KCNB2: variants seen among roughly 807,000 people sequenced by gnomAD.
KCNB2 encodes the protein delayed rectifier potassium channel protein.
In KCNB2, 15 loss-of-function variants were observed where a neutral mutation model predicts 61.5. That is an observed-to-expected ratio of 0.24 (90% confidence interval 0.16 to 0.38). The LOEUF (loss-of-function observed/expected upper bound fraction) is 0.38. Among genes scored for constraint, KCNB2 ranks in the 10% least tolerant of loss-of-function variants. The pLI is 1.00. For synonymous variants in KCNB2, 457 were observed against 446.0 expected (o/e 1.02, Z -0.31); for missense variants, 828 against 1,125.2 (o/e 0.74, Z 3.78).
chr8:72,905,683 A>C (rs1362133361), intron 2 of KCNB2, among the ~76,000 whole-genome samples: 3 of 152,156 alleles, frequency 2.0e-5, no homozygotes, highest in African/African-American at 7.2e-5. Context: ...AGAGCACTTC[A>C]ACTGCTGTGG....
rs113964539 is a variant in KCNB2 at position 72,624,503 on chromosome 8, A to G, written c.579+56190A>G. 2.7e-3 allele frequency among the ~76,000 whole-genome samples: 413 copies of G among 152,250 alleles called. 1 individual carries two copies. The highest frequency in any genetic ancestry group is 8.5e-3 in the South Asian group (41 of 4,824). ...ATAAGCCTGAGATGGCTTTTAGCAA[A>G]TGGTTTTTGCTCAGAGATATGGGTT... On this transcript the variant is annotated intron_variant, in intron 2 of 2. Transcript: ENST00000523207.
At chr8:72,603,299 C>T (rs1255779273) in intron 2 of KCNB2, among the ~76,000 whole-genome samples, 3 of 152,152 alleles carry the variant, frequency 2.0e-5, no homozygotes, top group Non-Finnish European at 4.4e-5. Context: ...ATTCCCTTCC[C>T]AGCTCACCCC....
intron 2 of KCNB2, among the ~76,000 whole-genome samples, chr8:72,834,354 G>A (rs1409460707): frequency 6.6e-6 from 1 of 152,122 alleles, no homozygotes; most frequent in African/African-American, 2.4e-5. Flanking sequence ...GTTGCTACAG[G>A]GGGAGGAAAG....
chr8:72,629,467 A>T (rs1192471389), intron 2 of KCNB2, among the ~76,000 whole-genome samples: 1 of 152,196 alleles, frequency 6.6e-6, no homozygotes, highest in Non-Finnish European at 1.5e-5. Flanking sequence ...CAAAGTAATA[A>T]TAATACCTAT....
intron 1 of KCNB2, among the ~76,000 whole-genome samples, chr8:72,554,686 T>G (rs1162938437): frequency 6.6e-6 from 1 of 152,128 alleles, no homozygotes; most frequent in Non-Finnish European, 1.5e-5. Context: ...CCCTTCTAAC[T>G]ATAAATTTTG....
intron 2 of KCNB2, among the ~76,000 whole-genome samples, chr8:72,690,605 A>G (rs1037033996): frequency 2.0e-5 from 3 of 152,244 alleles, no homozygotes; most frequent in Non-Finnish European, 2.9e-5. Context: ...GGCTAGGACC[A>G]TCATTTCTGG....
Position 72,821,619 on chromosome 8 carries a change from TAC to T in KCNB2, c.580-114304_580-114303del, listed in dbSNP as rs1422517623. 7.4e-5 allele frequency among the ~76,000 whole-genome samples: 6 copies of T among 81,520 alleles called. No homozygotes were observed. In the East Asian group the frequency reaches 3.3e-3, roughly 45 times the overall value. 53.5% of individuals were successfully genotyped at this position (81,520 alleles called of 152,430 possible). A position where few individuals can be genotyped will look rare whatever the true frequency, so the allele number is the denominator to read the frequency against. ...GGTATACTCATTCAAAGTAAGTTCC[TAC>T]ACACACACACAAAAAAAAACAAAAA... On this transcript the variant is annotated intron_variant, in intron 2 of 2. Transcript: ENST00000523207.
intron 2 of KCNB2, among the ~76,000 whole-genome samples, chr8:72,761,495 G>A (rs1808379591): frequency 6.6e-6 from 1 of 152,174 alleles, no homozygotes; most frequent in African/African-American, 2.4e-5. Flanking sequence ...GCATTGTTCT[G>A]TCAAGGTCCA....
rs1459929823 is a variant in KCNB2, at chr8:72,654,261, G to A, written c.579+85948G>A. On this transcript the variant is annotated intron_variant, in intron 2 of 2. Transcript: ENST00000523207. Reference sequence around the variant, plus strand: ...GCGTAAACCTAGATACCTCACTGGGGCCATTTCATACATCCAACATTTTCT... The same window carrying A: ...GCGTAAACCTAGATACCTCACTGGGACCATTTCATACATCCAACATTTTCT... Among the ~76,000 whole-genome samples the A allele has an allele frequency of 4.6e-5, 7 of 152,212 alleles. No individual in the cohort carries two copies. In the South Asian group the frequency reaches 1.5e-3, roughly 32 times the overall value.
At chr8:72,633,189 G>T (rs539952379) in intron 2 of KCNB2, among the ~76,000 whole-genome samples, 3 of 152,126 alleles carry the variant, frequency 2.0e-5, no homozygotes, top group Non-Finnish European at 4.4e-5. Context: ...CTGAAGGAGG[G>T]CGGTGGTCCC....
At chr8:72,814,084 C>A (rs566913445) in intron 2 of KCNB2, among the ~76,000 whole-genome samples, 1 of 151,954 alleles carries the variant, frequency 6.6e-6, no homozygotes, top group Non-Finnish European at 1.5e-5. Flanking sequence ...TCAATTCCCT[C>A]CTATGAGTGA....
At chr8:72,639,256 G>A (rs1806014836) in intron 2 of KCNB2, among the ~76,000 whole-genome samples, 1 of 152,036 alleles carries the variant, frequency 6.6e-6, no homozygotes, top group South Asian at 2.1e-4. Context: ...TCCTGGATCT[G>A]ACCCAGCATG....
intron 2 of KCNB2, among the ~76,000 whole-genome samples, chr8:72,635,626 CTT>C (rs1805953300): frequency 6.6e-6 from 1 of 152,162 alleles, no homozygotes; most frequent in African/African-American, 2.4e-5. Context: ...GGGACAGCCA[CTT>C]TCTGTTTTCA....
intron 2 of KCNB2, among the ~76,000 whole-genome samples, chr8:72,720,540 G>C (rs1460642233): frequency 6.6e-6 from 1 of 151,960 alleles, no homozygotes; most frequent in East Asian, 1.9e-4. Context: ...CATCATATTT[G>C]TTTCCTCACT....
intron 2 of KCNB2, among the ~76,000 whole-genome samples, chr8:72,663,737 A>T (rs111616399): frequency 9.2e-5 from 14 of 152,364 alleles, no homozygotes; most frequent in African/African-American, 3.4e-4. Context: ...TATGTGAGAT[A>T]GATTGGTGTG....
intron 2 of KCNB2, among the ~76,000 whole-genome samples, chr8:72,745,920 T>G (rs541599455): frequency 1.2e-4 from 18 of 152,148 alleles, no homozygotes; most frequent in Non-Finnish European, 2.2e-4. Context: ...CTTATCACTC[T>G]GAAAATTTCA....
chr8:72,768,826 C>T (rs766260270), intron 2 of KCNB2, among the ~76,000 whole-genome samples: 8 of 151,982 alleles, frequency 5.3e-5, no homozygotes, highest in Non-Finnish European at 1.0e-4. Flanking sequence ...CTATTTTTCC[C>T]CCCATTAAAT....
chr8:72,761,810 A>G (rs1808386110), intron 2 of KCNB2, among the ~76,000 whole-genome samples: 1 of 152,160 alleles, frequency 6.6e-6, no homozygotes, highest in Non-Finnish European at 1.5e-5. Context: ...AAAGGAAGTC[A>G]TATTCTAATA....
intron 2 of KCNB2, among the ~76,000 whole-genome samples, chr8:72,918,218 A>G (rs1052186380): frequency 6.6e-6 from 1 of 152,202 alleles, no homozygotes; most frequent in African/African-American, 2.4e-5. Context: ...TTTAAAGCAA[A>G]AAGATCAAGC....
Sources: gnomAD v4.1 joint callset for allele counts (sites outside exome capture counted in the v4.1 genomes callset) on GRCh38, gnomAD v4.1.1 for gene constraint, MANE v1.5 for transcripts, NCBI Gene and HGNC (gene_info 2026-07-23, HGNC 2026-07-21) for gene names.